The following ZKSCAN2 variants were observed in gnomAD, a reference collection of about 807,000 sequenced individuals.
The protein encoded by ZKSCAN2 is zinc finger with KRAB and SCAN domains 2.
Under a neutral mutation model 90.5 loss-of-function variants are expected in ZKSCAN2, and 38 were observed. The observed-to-expected ratio is 0.42, with a 90% confidence interval of 0.32 to 0.55. The LOEUF (loss-of-function observed/expected upper bound fraction) is 0.55, where lower values mean the gene tolerates loss of function less well. Among genes scored for constraint, ZKSCAN2 ranks in the 20% least tolerant of loss-of-function variants. The pLI is 0.11. For missense variants in ZKSCAN2, 1,167 were observed against 1,202.6 expected, an observed-to-expected ratio of 0.97 and a Z score of 0.44; for synonymous variants, 429 against 421.6, an observed-to-expected ratio of 1.02 and a Z score of -0.22.
intron 6 of ZKSCAN2, among the ~76,000 whole-genome samples, chr16:25,242,433 T>A (rs1411135087): frequency 3.3e-5 from 5 of 152,208 alleles, no homozygotes; most frequent in African/African-American, 1.2e-4. Context: ...TGAATTACCC[T>A]GCATATTCAA....
chr16:25,240,545 C>G lies in ZKSCAN2; in HGVS notation c.2175G>C (p.Pro725=). ...TCCCTAAATCTCTAGGCTGAGACAT[C>G]GGCTTTCCCTGTCTAATTCCTTGAA... is the stretch of plus-strand genomic sequence containing the variant. The part of the protein sequence containing the change: ...ENLQGIRQGK[P]MSQPRDLGKA... Residue 725 remains proline, a synonymous_variant, in exon 7 of 7, where the codon CCG becomes CCC. Transcript: ENST00000328086. The G allele has an allele frequency of 1.2e-6, 2 of 1,614,164 alleles. No homozygotes were observed. Among genetic ancestry groups the G allele is most frequent in the Non-Finnish European group, 8.5e-7 (1 of 1,180,024 alleles).
At chr16:25,250,047 A>C (rs1246207761) in intron 4 of ZKSCAN2, among the ~76,000 whole-genome samples, 1 of 152,246 alleles carries the variant, frequency 6.6e-6, no homozygotes, top group African/African-American at 2.4e-5. Context: ...GCAGTGGCTC[A>C]CACCTGTAAT....
rs1377479190 is a variant in ZKSCAN2, at chr16:25,240,275, G to A, written c.2445C>T (p.Ser815=). The change falls in exon 7 of 7, where the codon TCC becomes TCT. Residue 815 remains serine (S), a synonymous_variant. Coordinates refer to ENST00000328086, the MANE Select transcript of ZKSCAN2 (RefSeq NM_001012981.5). ...CLDCGKSFND[S]SNFGAHQRIH... is the part of the protein sequence containing the mutation. Reference sequence around the variant, plus strand: ...TTCTCTGGTGGGCACCAAAATTTGAGGAGTCATTAAAGCTTTTTCCACAGT... The same window carrying A: ...TTCTCTGGTGGGCACCAAAATTTGAAGAGTCATTAAAGCTTTTTCCACAGT... 1 of 1,609,440 alleles carries A rather than the reference G, an allele frequency of 6.2e-7. No individual in the cohort carries two copies. The highest frequency in any genetic ancestry group is 1.1e-5 in the South Asian group (1 of 90,646).
chr16:25,247,292 G>A lies in ZKSCAN2; in HGVS notation c.904C>T (p.Arg302Ter), dbSNP rs776208714. 4.3e-6 allele frequency: 7 copies of A among 1,614,092 alleles called. No individual in the cohort carries two copies. The highest frequency in any genetic ancestry group is 2.2e-5 in the South Asian group (2 of 91,082). Residue 302 changes from arginine (R) to a stop codon, truncating the protein, a stop_gained, in exon 5 of 7, where the codon CGA becomes TGA. Coordinates refer to ENST00000328086, the MANE Select transcript of ZKSCAN2 (RefSeq NM_001012981.5). LOFTEE classifies it high-confidence loss of function. Reference protein sequence around the residue: ...LHSSNKRSILRSNYVKEKSVH... With the variant: ...LHSSNKRSIL ...GACTTTTCCTTGACGTAGTTGCTTC[G>A]TAGGATACTTCTCTTGTTAGAGGAA...
At position 25,240,211 on chromosome 16, in the gene ZKSCAN2, C is replaced by T. The variant is rs1244782136; in HGVS notation, c.2509G>A (p.Gly837Arg). 3 of 1,614,116 alleles carry T rather than the reference C, an allele frequency of 1.9e-6. No individual in the cohort carries two copies. Among genetic ancestry groups the T allele is most frequent in the Admixed American group, 1.7e-5 (1 of 60,020 alleles). ...CTAGAGCTCTGACTAAAGCATTTTC[C>T]ACACTCTCCGCATCTGTAGGGTTTC... ...GEKPYRCGEC[G>R]KCFSQSSSLI... Residue 837 changes from glycine to arginine, a missense_variant, in exon 7 of 7, where the codon GGA (glycine) becomes AGA (arginine). By Grantham distance (125) the Gly-to-Arg change is moderately radical. Coordinates refer to ENST00000328086, the MANE Select transcript of ZKSCAN2 (RefSeq NM_001012981.5).
At chr16:25,249,690 A>G (rs1318751367) in intron 4 of ZKSCAN2, among the ~76,000 whole-genome samples, 1 of 152,018 alleles carries the variant, frequency 6.6e-6, no homozygotes, top group African/African-American at 2.4e-5. Flanking sequence ...CTGTCAATTA[A>G]AAAAAGACAA....
rs1377868426 is a variant in ZKSCAN2, at chr16:25,257,424, G to A, written c.-297C>T. Reference sequence around the variant, plus strand: ...TGCAAAGTCGGAAACCGGGAGGCTGGACGACTGGGAGAAAAATGAAGCAGG... The same window carrying A: ...TGCAAAGTCGGAAACCGGGAGGCTGAACGACTGGGAGAAAAATGAAGCAGG... On this transcript the variant is annotated 5_prime_UTR_variant, in exon 1 of 7. Transcript: ENST00000328086. The A allele has an allele frequency of 6.3e-6, 7 of 1,106,524 alleles. No individual in the cohort carries two copies. In the East Asian group the frequency reaches 3.3e-4, roughly 52 times the overall value. The allele number at this position is 1,106,524 out of a possible 1,614,324, so 68.5% of individuals were successfully genotyped here. A position where few individuals can be genotyped will look rare whatever the true frequency, so the allele number is the denominator to read the frequency against.
At chr16:25,250,682 A>G (rs1372129533) in intron 4 of ZKSCAN2, among the ~76,000 whole-genome samples, 1 of 152,210 alleles carries the variant, frequency 6.6e-6, no homozygotes, top group Non-Finnish European at 1.5e-5. Context: ...ATTATTTTAC[A>G]ATGTATATGT....
chr16:25,257,479 C>G lies in ZKSCAN2; in HGVS notation c.-352G>C. ...GGAAAGGCTGGGCGGAGGCGGACAG[C>G]CGGGCCGGGAGGGGGTGTGTCCGCT... On this transcript the variant is annotated 5_prime_UTR_variant, in exon 1 of 7. Coordinates refer to ENST00000328086, the MANE Select transcript of ZKSCAN2 (RefSeq NM_001012981.5). 9.9e-7 allele frequency: 1 copy of G among 1,014,506 alleles called. No individual in the cohort carries two copies. The highest frequency in any genetic ancestry group is 1.2e-6 in the Non-Finnish European group (1 of 850,152). 62.8% of individuals were successfully genotyped at this position (1,014,506 alleles called of 1,614,324 possible). A position where few individuals can be genotyped will look rare whatever the true frequency, so the allele number is the denominator to read the frequency against.
At position 25,255,407 on chromosome 16, in the gene ZKSCAN2, C is replaced by T. The variant is rs1567354967; in HGVS notation, c.400-15G>A. The T allele has an allele frequency of 6.2e-7, 1 of 1,605,710 alleles. No homozygotes were observed. ...GGACTGCTGACCTGAGAAATGAAGT[C>T]AATACCATAAGAGGGAGTAAAACAG... On this transcript the variant is annotated splice_polypyrimidine_tract_variant and intron_variant, in intron 1 of 6. Coordinates refer to ENST00000328086, the MANE Select transcript of ZKSCAN2 (RefSeq NM_001012981.5).
rs189255227 is a variant in ZKSCAN2 at position 25,245,942 on chromosome 16, G to A, written c.1489+765C>T. 3.1e-4 allele frequency among the ~76,000 whole-genome samples: 47 copies of A among 152,096 alleles called. 1 individual carries two copies. The highest frequency in any genetic ancestry group is 2.3e-3 in the Admixed American group (35 of 15,266). On this transcript the variant is annotated intron_variant, in intron 5 of 6. Transcript: ENST00000328086. ...TGAGGTATTCTTAGCCATATTTTAC[G>A]GATGAGAAAATTGAAGCTCAAAGTA...
intron 3 of ZKSCAN2, 56 bp downstream of exon 3, chr16:25,252,890 C>A: frequency 7.0e-7 from 1 of 1,418,900 alleles, no homozygotes; most frequent in South Asian, 1.1e-5. Flanking sequence ...TGTACTCCAC[C>A]GTGGGTGACA....
chr16:25,254,838 G>A (rs148190046), intron 2 of ZKSCAN2, among the ~76,000 whole-genome samples: 1 of 150,494 alleles, frequency 6.6e-6, no homozygotes, highest in Admixed American at 6.6e-5. Flanking sequence ...CTGTCACCCA[G>A]GCTGGAATAC....
intron 2 of ZKSCAN2, among the ~76,000 whole-genome samples, chr16:25,253,426 C>T (rs1963050248): frequency 6.6e-6 from 1 of 151,186 alleles, no homozygotes; most frequent in Admixed American, 6.6e-5. Flanking sequence ...CCCTCCCTTC[C>T]CTTTTCTCCC....
At chr16:25,256,606 G>A (rs548132913) in intron 1 of ZKSCAN2, 123 bp downstream of exon 1, 55 of 1,073,226 alleles carry the variant, frequency 5.1e-5, no homozygotes, top group Middle Eastern at 2.1e-4. Context: ...CCCCTTATAG[G>A]GTCTTTTATT....
rs1199772164 is a variant in ZKSCAN2 at position 25,240,040 on chromosome 16, T to C, written c.2680A>G (p.Lys894Glu). The C allele has an allele frequency of 6.2e-6, 10 of 1,613,980 alleles. No individual in the cohort carries two copies. The East Asian group carries it at 2.2e-4, about 36-fold the overall frequency. ...AATCTCGTACAGTTATTGAAACTTTTTTCACAGTCCACACATTTGTAGGGA... is the reference window on the plus strand; with the variant it reads ...AATCTCGTACAGTTATTGAAACTTTCTTCACAGTCCACACATTTGTAGGGA... ...ENPYKCVDCE[K>E]SFNNCTRFRE... The change falls in exon 7 of 7, where the codon AAA becomes GAA. Residue 894 changes from lysine (K) to glutamate (E), a missense_variant. Transcript: ENST00000328086.
rs994001875 is a variant in ZKSCAN2, at chr16:25,254,954, T to C, written c.586+252A>G. On this transcript the variant is annotated intron_variant, in intron 2 of 6. Coordinates refer to ENST00000328086, the MANE Select transcript of ZKSCAN2 (RefSeq NM_001012981.5). ...GACCACAGGTGCACGCCAACACACCTGGCTAATATTTTTTTTTTTTTTGCG... is the reference window on the plus strand; with the variant it reads ...GACCACAGGTGCACGCCAACACACCCGGCTAATATTTTTTTTTTTTTTGCG... Among the ~76,000 whole-genome samples the C allele has an allele frequency of 2.6e-4, 39 of 150,128 alleles. 1 individual carries two copies. In the Middle Eastern group the frequency reaches 0.024, roughly 93 times the overall value.
chr16:25,255,108 T>C, intron 2 of ZKSCAN2, 98 bp downstream of exon 2: 2 of 1,245,260 alleles, frequency 1.6e-6, no homozygotes, highest in East Asian at 2.5e-5. Flanking sequence ...TCTGAATATG[T>C]ATCAAGGAGG....
chr16:25,247,433 T>C, intron 4 of ZKSCAN2, 43 bp from the exon 5 acceptor site: 3 of 1,522,130 alleles, frequency 2.0e-6, no homozygotes, highest in Non-Finnish European at 2.7e-6. Flanking sequence ...ATAGAAGTCA[T>C]TACTGCATGC....
Sources: allele counts gnomAD v4.1 joint callset (sites outside exome capture counted in the v4.1 genomes callset), GRCh38; gene constraint gnomAD v4.1.1; transcripts MANE v1.5; gene names NCBI Gene and HGNC (gene_info 2026-07-23, HGNC 2026-07-21).